Variants in IQUB observed in about 807,000 individuals in gnomAD.
The protein encoded by IQUB is IQ motif and ubiquitin-like domain-containing protein.
IQUB carries 86 observed loss-of-function variants against 86.4 expected under a neutral mutation model. That is an observed-to-expected ratio of 1.00 (90% CI 0.84 to 1.19). IQUB has a LOEUF of 1.19. IQUB is among the 50% of genes most tolerant of loss of function. The pLI is 0.00. For missense variants in IQUB, 946 were observed against 916.9 expected, an observed-to-expected ratio of 1.03 and a Z score of -0.41; for synonymous variants, 289 against 304.5, an observed-to-expected ratio of 0.95 and a Z score of 0.53.
Position 123,526,861 on chromosome 7 carries a change from G to A in IQUB, c.-5+7631C>T, listed in dbSNP as rs190761317. On this transcript the variant is annotated intron_variant, in intron 1 of 12. Coordinates refer to ENST00000324698, the MANE Select transcript of IQUB (RefSeq NM_178827.5). ...CCAGTTGTTCCTTTCCACGTTTAGC[G>A]CTTCTTCAGGCGCTCTTTTAGGGCA... Among the ~76,000 whole-genome samples, 141 of 152,172 alleles carry A rather than the reference G, an allele frequency of 9.3e-4. 1 individual carries two copies. The highest frequency in any genetic ancestry group is 3.4e-3 in the Middle Eastern group (1 of 294).
chr7:123,470,616 C>A (rs1214246653), intron 8 of IQUB, among the ~76,000 whole-genome samples: 1 of 152,104 alleles, frequency 6.6e-6, no homozygotes, highest in Non-Finnish European at 1.5e-5. Context: ...CTTTGGGAGG[C>A]CGAGGCGGGC....
intron 1 of IQUB, among the ~76,000 whole-genome samples, chr7:123,518,111 C>T (rs1796729901): frequency 6.6e-6 from 1 of 151,836 alleles, no homozygotes; most frequent in Admixed American, 6.6e-5. Flanking sequence ...ATAACACAAC[C>T]AAGGAAGGTC....
At chr7:123,463,116 A>AGAT (rs1235968300) in intron 10 of IQUB, among the ~76,000 whole-genome samples, 1 of 151,822 alleles carries the variant, frequency 6.6e-6, no homozygotes, top group Non-Finnish European at 1.5e-5. Flanking sequence ...GATAATCCAT[A>AGAT]GATGTGTCCT....
At chr7:123,480,743 TA>T (rs201750664) in intron 7 of IQUB, among the ~76,000 whole-genome samples, 3,028 of 152,226 alleles carry the variant, frequency 0.02, 105 homozygotes, top group African/African-American at 0.069. Flanking sequence ...TTCATTCACT[TA>T]GGTGCCATTT....
chr7:123,523,416 C>T (rs1797010669), intron 1 of IQUB, among the ~76,000 whole-genome samples: 3 of 151,666 alleles, frequency 2.0e-5, no homozygotes, highest in South Asian at 4.2e-4. Context: ...GAGATGATAT[C>T]TCATTGTGGT....
At chr7:123,530,453 C>T (rs962291546) in intron 1 of IQUB, among the ~76,000 whole-genome samples, 5 of 151,740 alleles carry the variant, frequency 3.3e-5, no homozygotes, top group African/African-American at 9.7e-5. Context: ...AAACCAAAAA[C>T]AAAACAACAA....
intron 1 of IQUB, among the ~76,000 whole-genome samples, chr7:123,531,980 C>G (rs1313898589): frequency 6.6e-6 from 1 of 152,210 alleles, no homozygotes; most frequent in Non-Finnish European, 1.5e-5. Flanking sequence ...CTTATCTATT[C>G]ACGCTGGCAA....
At chr7:123,532,480 C>T (rs1797577314) in intron 1 of IQUB, 1 of 152,164 alleles carries the variant, frequency 6.6e-6, no homozygotes, top group Non-Finnish European at 1.5e-5. Context: ...ATAGTTATCT[C>T]CATCCATCCT....
rs546253098 is a variant in IQUB at position 123,471,913 on chromosome 7, C to T, written c.1411-2529G>A. 3.9e-5 allele frequency among the ~76,000 whole-genome samples: 6 copies of T among 152,194 alleles called. No homozygotes were observed. In the South Asian group the frequency reaches 6.2e-4, roughly 16 times the overall value. On this transcript the variant is annotated intron_variant, in intron 8 of 12. Coordinates refer to ENST00000324698, the MANE Select transcript of IQUB (RefSeq NM_178827.5). ...TTACTTTATAATTGTTTTATGTTTG[C>T]TAACTCCATTTCTCCCAAAAGAGTA...
chr7:123,483,006 A>G (rs1236665714), intron 7 of IQUB, among the ~76,000 whole-genome samples: 1 of 152,142 alleles, frequency 6.6e-6, no homozygotes, highest in African/African-American at 2.4e-5. Context: ...ATGTATCATA[A>G]GTTTCAGTTC....
intron 7 of IQUB, among the ~76,000 whole-genome samples, chr7:123,490,983 ACAAACCT>A (rs988936459): frequency 1.3e-4 from 20 of 151,844 alleles, no homozygotes; most frequent in African/African-American, 2.7e-4. Context: ...AAAAAAACAA[ACAAACCT>A]CAAACCTCAA....
chr7:123,530,141 A>T (rs1228493065), intron 1 of IQUB, among the ~76,000 whole-genome samples: 9 of 152,216 alleles, frequency 5.9e-5, no homozygotes, highest in Admixed American at 5.9e-4. Context: ...TGGAAGGCAG[A>T]GGTTGCAATG....
chr7:123,529,724 T>A (rs1362391878), intron 1 of IQUB, among the ~76,000 whole-genome samples: 15 of 35,816 alleles, frequency 4.2e-4, no homozygotes, highest in South Asian at 2.7e-3. Flanking sequence ...TGTCTCTACT[T>A]AAAAAAAAAA....
At chr7:123,528,170 C>A (rs1472390690) in intron 1 of IQUB, among the ~76,000 whole-genome samples, 1 of 152,178 alleles carries the variant, frequency 6.6e-6, no homozygotes, top group African/African-American at 2.4e-5. Flanking sequence ...CGCCCTGCTT[C>A]GGCTCGCGCA....
intron 7 of IQUB, among the ~76,000 whole-genome samples, chr7:123,480,341 A>G (rs971120103): frequency 2.6e-5 from 4 of 152,124 alleles, no homozygotes; most frequent in South Asian, 2.1e-4. Context: ...GGTAATTGAC[A>G]GTTCCAACTA....
chr7:123,466,901 T>C (rs1260413184), intron 9 of IQUB, among the ~76,000 whole-genome samples: 3 of 152,044 alleles, frequency 2.0e-5, no homozygotes, highest in African/African-American at 4.8e-5. Context: ...AGTTACCTAA[T>C]CCATTGCTTA....
chr7:123,486,446 T>C lies in IQUB; in HGVS notation c.1235-6476A>G, dbSNP rs967596598. 3.3e-5 allele frequency among the ~76,000 whole-genome samples: 5 copies of C among 152,326 alleles called. No homozygotes were observed. In the East Asian group the frequency reaches 9.6e-4, roughly 29 times the overall value. On this transcript the variant is annotated intron_variant, in intron 7 of 12. Transcript: ENST00000324698. Reference sequence around the variant, plus strand: ...GAGTGTTTAGCACTTTACTTATTTTTCTATTAAAGAAATTATCCCTTCTAC... The same window carrying C: ...GAGTGTTTAGCACTTTACTTATTTTCCTATTAAAGAAATTATCCCTTCTAC...
chr7:123,520,319 G>C (rs1402425974), intron 1 of IQUB, among the ~76,000 whole-genome samples: 6 of 152,044 alleles, frequency 3.9e-5, no homozygotes, highest in African/African-American at 1.4e-4. Flanking sequence ...TTATATTCTA[G>C]TGAGGAAAAT....
At chr7:123,490,894 T>C (rs1271547382) in intron 7 of IQUB, among the ~76,000 whole-genome samples, 1 of 150,310 alleles carries the variant, frequency 6.7e-6, no homozygotes, top group Non-Finnish European at 1.5e-5. Flanking sequence ...AACCCGGGAG[T>C]CAGAGGTTGT....
Sources: gnomAD v4.1 joint callset for allele counts (sites outside exome capture counted in the v4.1 genomes callset) on GRCh38, gnomAD v4.1.1 for gene constraint, MANE v1.5 for transcripts, NCBI Gene and HGNC (gene_info 2026-07-23, HGNC 2026-07-21) for gene names.